Variants in SHTN1 observed in about 807,000 individuals in gnomAD.
The protein encoded by SHTN1 is shootin 1.
Under a neutral mutation model 83.1 loss-of-function variants are expected in SHTN1, and 42 were observed. The ratio of observed to expected loss-of-function variants is 0.51; its 90% CI spans 0.39 to 0.65. The LOEUF (loss-of-function observed/expected upper bound fraction) is 0.65. Ranked by LOEUF, SHTN1 falls within the 30% of genes least tolerant of loss-of-function variation. The pLI is 0.00. For synonymous variants in SHTN1, 224 were observed against 247.7 expected (o/e 0.90, Z 0.90); for missense variants, 622 against 737.8 (o/e 0.84, Z 1.82).
chr10:117,016,800 G>A (rs978992644), intron 2 of SHTN1, among the ~76,000 whole-genome samples: 2 of 152,164 alleles, frequency 1.3e-5, no homozygotes, highest in Admixed American at 6.5e-5. Flanking sequence ...ACCCTATGGT[G>A]CTAGAGAGAT....
chr10:117,033,977 C>A (rs1025461963), intron 2 of SHTN1, among the ~76,000 whole-genome samples: 17 of 152,148 alleles, frequency 1.1e-4, no homozygotes, highest in African/African-American at 3.9e-4. Flanking sequence ...AATTCAACAT[C>A]CCTTCATGAG....
At chr10:117,081,099 C>G (rs1396465149) in intron 1 of SHTN1, among the ~76,000 whole-genome samples, 1 of 150,544 alleles carries the variant, frequency 6.6e-6, no homozygotes, top group Non-Finnish European at 1.5e-5. Context: ...GAGAGGGCAT[C>G]CCTGTCTTGT....
At chr10:116,961,825 G>A (rs915276150) in intron 3 of SHTN1, among the ~76,000 whole-genome samples, 4 of 152,198 alleles carry the variant, frequency 2.6e-5, no homozygotes, top group Non-Finnish European at 4.4e-5. Context: ...CATTTCAACT[G>A]CATTTCTCAG....
At chr10:117,031,801 C>T (rs1257422275) in intron 2 of SHTN1, among the ~76,000 whole-genome samples, 1 of 151,996 alleles carries the variant, frequency 6.6e-6, no homozygotes, top group South Asian at 2.1e-4. Flanking sequence ...CAGACAAAAC[C>T]ATCTTCACTA....
At chr10:116,989,330 A>G (rs1851334061) in intron 1 of SHTN1, among the ~76,000 whole-genome samples, 1 of 152,202 alleles carries the variant, frequency 6.6e-6, no homozygotes, top group African/African-American at 2.4e-5. Context: ...GACCTTTTCT[A>G]GGATCCCATC....
intron 2 of SHTN1, among the ~76,000 whole-genome samples, chr10:117,012,846 ATAT>A (rs767768013): frequency 6.6e-6 from 1 of 152,156 alleles, no homozygotes; most frequent in South Asian, 2.1e-4. Flanking sequence ...TAAAAATCAC[ATAT>A]TAATATTTTG....
At position 116,949,712 on chromosome 10, in the gene SHTN1, T is replaced by C. The variant is rs1394284137; in HGVS notation, c.535-715A>G. Among the ~76,000 whole-genome samples, 3 of 152,186 alleles carry C rather than the reference T, an allele frequency of 2.0e-5. No homozygotes were observed. The East Asian group carries it at 5.8e-4, about 29-fold the overall frequency. ...ATAAAAATGCTGATTATTTTTGACT[T>C]AAGTAAGATGAACATGAACTTTTAA... On this transcript the variant is annotated intron_variant, in intron 6 of 16. Coordinates refer to ENST00000355371, the MANE Select transcript of SHTN1 (RefSeq NM_001127211.3).
At chr10:116,941,892 C>T (rs951275686) in intron 8 of SHTN1, among the ~76,000 whole-genome samples, 3 of 152,176 alleles carry the variant, frequency 2.0e-5, no homozygotes, top group Non-Finnish European at 4.4e-5. Flanking sequence ...AGAAGCTTTC[C>T]TTCTTTGCCT....
chr10:117,011,956 C>T (rs1045002035), intron 2 of SHTN1, among the ~76,000 whole-genome samples: 1 of 151,882 alleles, frequency 6.6e-6, no homozygotes, highest in Non-Finnish European at 1.5e-5. Flanking sequence ...CTGGCTAACA[C>T]GGTGAAACCC....
At chr10:116,898,289 T>C (rs1333089721) in intron 16 of SHTN1, among the ~76,000 whole-genome samples, 1 of 151,646 alleles carries the variant, frequency 6.6e-6, no homozygotes, top group Non-Finnish European at 1.5e-5. Context: ...GATCGTGCCA[T>C]TGTACTCCAG....
chr10:117,109,608 AG>A (rs1407805393), intron 1 of SHTN1, among the ~76,000 whole-genome samples: 2 of 92,096 alleles, frequency 2.2e-5, no homozygotes, highest in Non-Finnish European at 3.8e-5. Flanking sequence ...TCTGTCACCC[AG>A]GCTGGAGTGC....
intron 13 of SHTN1, among the ~76,000 whole-genome samples, chr10:116,915,100 T>C (rs1848338105): frequency 6.6e-6 from 1 of 152,222 alleles, no homozygotes; most frequent in Non-Finnish European, 1.5e-5. Flanking sequence ...AAGGATGTGA[T>C]AATTGTTATT....
At chr10:117,071,358 G>A (rs1317843440) in intron 1 of SHTN1, among the ~76,000 whole-genome samples, 2 of 152,076 alleles carry the variant, frequency 1.3e-5, no homozygotes, top group African/African-American at 4.8e-5. Context: ...CCCTATAAAT[G>A]GTGATTAGAT....
chr10:116,926,238 G>T (rs1425802574), intron 11 of SHTN1, among the ~76,000 whole-genome samples: 1 of 151,998 alleles, frequency 6.6e-6, no homozygotes, highest in Non-Finnish European at 1.5e-5. Flanking sequence ...CAACATTTCT[G>T]AGAATAAAAA....
At position 117,029,908 on chromosome 10, in the gene SHTN1, T is replaced by G. The variant is rs530376128; in HGVS notation, c.-123+18537A>C. On this transcript the variant is annotated intron_variant, in intron 2 of 17. Coordinates refer to the SHTN1 transcript ENST00000392901. ...TCTCTCTCTTTCTTTTTTTTTTTTTTTGTGTCTTAGTCTGTTGCCAGGCTG... is the reference window on the plus strand; with the variant it reads ...TCTCTCTCTTTCTTTTTTTTTTTTTGTGTGTCTTAGTCTGTTGCCAGGCTG... Among the ~76,000 whole-genome samples the G allele has an allele frequency of 1.4e-3, 211 of 148,856 alleles. 1 individual carries two copies. Among genetic ancestry groups the G allele is most frequent in the African/African-American group, 4.9e-3 (192 of 39,472 alleles).
intron 1 of SHTN1, among the ~76,000 whole-genome samples, chr10:117,123,314 T>G (rs1853957919): frequency 6.6e-6 from 1 of 152,190 alleles, no homozygotes; most frequent in South Asian, 2.1e-4. Context: ...ACTCTTCATT[T>G]TCCCGTTCTC....
chr10:116,963,710 G>C (rs773473571), intron 3 of SHTN1, among the ~76,000 whole-genome samples: 8 of 152,194 alleles, frequency 5.3e-5, no homozygotes, highest in Non-Finnish European at 8.8e-5. Flanking sequence ...TGGAAGACTG[G>C]CTGTGAGTTG....
intron 1 of SHTN1, among the ~76,000 whole-genome samples, chr10:117,055,177 T>G (rs964592840): frequency 3.3e-5 from 5 of 152,110 alleles, no homozygotes; most frequent in African/African-American, 7.2e-5. Flanking sequence ...GAGAACAGCA[T>G]GAAGGAAACC....
intron 7 of SHTN1, among the ~76,000 whole-genome samples, chr10:116,946,489 A>C (rs1166337667): frequency 7.0e-6 from 1 of 142,872 alleles, no homozygotes; most frequent in Non-Finnish European, 1.5e-5. Context: ...TAAATATTTT[A>C]TATATAAATA....
Sources: allele counts gnomAD v4.1 joint callset (sites outside exome capture counted in the v4.1 genomes callset), GRCh38; gene constraint gnomAD v4.1.1; transcripts MANE v1.5; gene names NCBI Gene and HGNC (gene_info 2026-07-23, HGNC 2026-07-21).